The following ST8SIA6 variants were observed in gnomAD, a reference collection of about 807,000 sequenced individuals.
The protein encoded by ST8SIA6 is alpha-2,8-sialyltransferase 8F.
A neutral mutation model predicts 33.6 loss-of-function variants in ST8SIA6; 39 were observed. The observed-to-expected ratio is 1.16, with a 90% CI of 0.90 to 1.52. The LOEUF (loss-of-function observed/expected upper bound fraction) is 1.52. Among genes scored for constraint, ST8SIA6 ranks in the 40% most tolerant of loss-of-function variants. The pLI is 0.00. For synonymous variants in ST8SIA6, 172 were observed against 167.2 expected, an observed-to-expected ratio of 1.03 and a Z score of -0.22; for missense variants, 441 against 443.8, an observed-to-expected ratio of 0.99 and a Z score of 0.06.
At chr10:17,384,173 G>A (rs1485338751) in intron 3 of ST8SIA6, among the ~76,000 whole-genome samples, 4 of 152,196 alleles carry the variant, frequency 2.6e-5, no homozygotes, top group Admixed American at 1.3e-4. Context: ...TGTGTACACA[G>A]TCCCTGTACA....
At chr10:17,340,285 ACCCTGGTCACCTGTTCCGTCCTGAGTCAC>A (rs1848631231) in intron 4 of ST8SIA6, among the ~76,000 whole-genome samples, 1 of 151,450 alleles carries the variant, frequency 6.6e-6, no homozygotes, top group Non-Finnish European at 1.5e-5. Flanking sequence ...GTCCTGAGTC[ACCCTGGTCACCTGTTCCGTCCTGAGTCAC>A]CCCTGGTCAC....
At chr10:17,445,066 T>C (rs1334654451) in intron 2 of ST8SIA6, among the ~76,000 whole-genome samples, 1 of 152,128 alleles carries the variant, frequency 6.6e-6, no homozygotes, top group Non-Finnish European at 1.5e-5. Context: ...ATTTGGAGCA[T>C]GAGGTGGAAA....
At chr10:17,411,066 G>C (rs749097086) in intron 2 of ST8SIA6, among the ~76,000 whole-genome samples, 13 of 152,150 alleles carry the variant, frequency 8.5e-5, no homozygotes, top group African/African-American at 3.1e-4. Flanking sequence ...AAAAAAGATG[G>C]AATAAAATTA....
intron 3 of ST8SIA6, among the ~76,000 whole-genome samples, chr10:17,374,813 A>G (rs1488161911): frequency 6.7e-6 from 1 of 149,952 alleles, no homozygotes; most frequent in Non-Finnish European, 1.5e-5. Context: ...ATCAGCAAAC[A>G]CAGCCTTTGC....
At chr10:17,371,505 C>T (rs1294099749) in intron 3 of ST8SIA6, among the ~76,000 whole-genome samples, 1 of 151,898 alleles carries the variant, frequency 6.6e-6, no homozygotes, top group Admixed American at 6.6e-5. Flanking sequence ...TGAGAAGGGC[C>T]TGGGCACACT....
In ST8SIA6 at chr10:17,397,226, GTTTTTTGTTTT is replaced by G. The variant is rs1271834060; in HGVS notation, c.201-6617_201-6607del. On this transcript the variant is annotated intron_variant, in intron 2 of 7. Coordinates refer to ENST00000377602, the MANE Select transcript of ST8SIA6 (RefSeq NM_001004470.3). ...CGAGGGGTTGTGTCGTTTGCAAATTGTTTTTTGTTTTTTTTTTTTTTTTTGAGACGAAGTCT... is the reference window on the plus strand; with the variant it reads ...CGAGGGGTTGTGTCGTTTGCAAATTGTTTTTTTTTTTTTGAGACGAAGTCT... Among the ~76,000 whole-genome samples, 3 of 80,060 alleles carry G rather than the reference GTTTTTTGTTTT, an allele frequency of 3.7e-5. No homozygotes were observed. In the Admixed American group the frequency reaches 4.6e-4, roughly 12 times the overall value. The allele number at this position is 80,060 out of a possible 152,430, so 52.5% of individuals were successfully genotyped here. A position where few individuals can be genotyped will look rare whatever the true frequency, so the allele number is the denominator to read the frequency against.
At chr10:17,386,175 TCA>T (rs371809115) in intron 3 of ST8SIA6, among the ~76,000 whole-genome samples, 23,287 of 149,784 alleles carry the variant, frequency 0.16, 3,314 homozygotes, top group African/African-American at 0.38. Context: ...AGTGAGACTG[TCA>T]CACACACACA....
At chr10:17,332,491 G>A (rs1012077749) in intron 4 of ST8SIA6, among the ~76,000 whole-genome samples, 37 of 152,094 alleles carry the variant, frequency 2.4e-4, no homozygotes, top group African/African-American at 8.2e-4. Context: ...TTGAGACAGA[G>A]TCTCACTCAA....
intron 3 of ST8SIA6, among the ~76,000 whole-genome samples, chr10:17,377,989 G>A (rs183829518): frequency 2.6e-5 from 4 of 152,184 alleles, no homozygotes; most frequent in African/African-American, 9.6e-5. Flanking sequence ...ATAACAACAG[G>A]CAATTCATGC....
At chr10:17,413,179 A>G (rs747912270) in intron 2 of ST8SIA6, among the ~76,000 whole-genome samples, 2 of 151,976 alleles carry the variant, frequency 1.3e-5, no homozygotes, top group African/African-American at 2.4e-5. Context: ...AATATTCAGG[A>G]TGATTATTTT....
intron 4 of ST8SIA6, among the ~76,000 whole-genome samples, chr10:17,338,386 T>A (rs1037837359): frequency 6.6e-6 from 1 of 152,246 alleles, no homozygotes; most frequent in Admixed American, 6.5e-5. Context: ...GTAAGTTATA[T>A]GACCAAAGCA....
At chr10:17,357,000 C>T (rs1341944969) in intron 4 of ST8SIA6, among the ~76,000 whole-genome samples, 4 of 152,166 alleles carry the variant, frequency 2.6e-5, no homozygotes, top group Non-Finnish European at 5.9e-5. Context: ...TGATTTAAGG[C>T]TCTGAATAAG....
chr10:17,412,494 C>G (rs925224186), intron 2 of ST8SIA6, among the ~76,000 whole-genome samples: 2 of 152,176 alleles, frequency 1.3e-5, no homozygotes, highest in Non-Finnish European at 2.9e-5. Flanking sequence ...ATGATGTGAT[C>G]TAACAAGGCC....
chr10:17,344,016 T>A (rs1848757586), intron 4 of ST8SIA6, among the ~76,000 whole-genome samples: 1 of 152,220 alleles, frequency 6.6e-6, no homozygotes, highest in South Asian at 2.1e-4. Context: ...ATGTAGAAGC[T>A]GGGTCAGAGC....
chr10:17,379,901 G>A (rs1474726195), intron 3 of ST8SIA6, among the ~76,000 whole-genome samples: 2 of 152,110 alleles, frequency 1.3e-5, no homozygotes, highest in Non-Finnish European at 2.9e-5. Context: ...TAACCATGAA[G>A]GGATTCTGAG....
At chr10:17,400,911 T>C (rs530741381) in intron 2 of ST8SIA6, among the ~76,000 whole-genome samples, 1 of 152,232 alleles carries the variant, frequency 6.6e-6, no homozygotes, top group South Asian at 2.1e-4. Flanking sequence ...TTCAACAAAG[T>C]GTTGGAAGTT....
intron 2 of ST8SIA6, among the ~76,000 whole-genome samples, chr10:17,425,170 A>C (rs1389115519): frequency 6.6e-6 from 1 of 152,148 alleles, no homozygotes; most frequent in Admixed American, 6.6e-5. Flanking sequence ...CGTATATTTT[A>C]TATATATATT....
At chr10:17,392,290 C>T (rs1850645575) in intron 2 of ST8SIA6, among the ~76,000 whole-genome samples, 2 of 152,170 alleles carry the variant, frequency 1.3e-5, no homozygotes, top group Admixed American at 6.5e-5. Context: ...CAGAGGAGGC[C>T]TCCAAGTGAG....
rs896246066 is a variant in ST8SIA6, at chr10:17,340,218, A to T, written c.378-8666T>A. Among the ~76,000 whole-genome samples, 4 of 152,140 alleles carry T rather than the reference A, an allele frequency of 2.6e-5. No individual in the cohort carries two copies. In the East Asian group the frequency reaches 7.7e-4, roughly 29 times the overall value. On this transcript the variant is annotated intron_variant, in intron 4 of 7. Transcript: ENST00000377602. ...CTCCTTGCCCCTAGTTTCCGTAAAC[A>T]ACCTTCCCACCAGTTCTCATCAGTA...
Sources: gnomAD v4.1 joint callset for allele counts (sites outside exome capture counted in the v4.1 genomes callset) on GRCh38, gnomAD v4.1.1 for gene constraint, MANE v1.5 for transcripts, NCBI Gene and HGNC (gene_info 2026-07-23, HGNC 2026-07-21) for gene names.